GRID1: variants seen among roughly 807,000 people sequenced by gnomAD.
GRID1 encodes glutamate receptor ionotropic, delta-1.
A neutral mutation model predicts 98.0 loss-of-function variants in GRID1; 28 were observed. The ratio of observed to expected loss-of-function variants is 0.29; its 90% CI spans 0.21 to 0.39. GRID1 has a LOEUF of 0.39. Ranked by LOEUF, GRID1 falls within the 10% of genes least tolerant of loss-of-function variation. The pLI, the probability that GRID1 is intolerant of heterozygous loss-of-function variation, is 1.00. For missense variants in GRID1, 1,111 were observed against 1,340.5 expected (o/e 0.83, Z 2.67); for synonymous variants, 553 against 538.5 (o/e 1.03, Z -0.37).
At chr10:86,334,070 A>G (rs534205291) in intron 2 of GRID1, among the ~76,000 whole-genome samples, 5 of 149,506 alleles carry the variant, frequency 3.3e-5, no homozygotes, top group African/African-American at 1.3e-4. Flanking sequence ...CACCTCCTAC[A>G]TCACTCATGG....
chr10:85,816,278 T>C (rs950080255), intron 8 of GRID1, among the ~76,000 whole-genome samples: 1 of 152,190 alleles, frequency 6.6e-6, no homozygotes, highest in Non-Finnish European at 1.5e-5. Flanking sequence ...ATAATCAAGA[T>C]GTCCTTCAAG....
chr10:86,199,858 C>T lies in GRID1; in HGVS notation c.520+6506G>A, dbSNP rs115372253. Among the ~76,000 whole-genome samples the T allele has an allele frequency of 3.5e-3, 531 of 152,168 alleles. 6 individuals are homozygous for T. The highest frequency in any genetic ancestry group is 0.012 in the African/African-American group (516 of 41,548). On this transcript the variant is annotated intron_variant, in intron 3 of 15. Coordinates refer to ENST00000327946, the MANE Select transcript of GRID1 (RefSeq NM_017551.3). ...CAGGACGCAGTGAAAGGACCAGAGC[C>T]TTCTAGAGATGAAGGCTTTGCCTTT...
intron 2 of GRID1, among the ~76,000 whole-genome samples, chr10:86,233,302 G>A (rs1846484462): frequency 6.6e-6 from 1 of 152,082 alleles, no homozygotes; most frequent in Admixed American, 6.5e-5. Flanking sequence ...GAGATGGCTG[G>A]GAGCAAGGGG....
At chr10:86,254,609 TG>T (rs1846888985) in intron 2 of GRID1, among the ~76,000 whole-genome samples, 1 of 152,178 alleles carries the variant, frequency 6.6e-6, no homozygotes, top group South Asian at 2.1e-4. Context: ...CTGGAGTCAG[TG>T]TTCACACACT....
intron 13 of GRID1, among the ~76,000 whole-genome samples, chr10:85,643,741 C>T (rs562866127): frequency 6.6e-5 from 10 of 151,668 alleles, no homozygotes; most frequent in African/African-American, 2.2e-4. Flanking sequence ...TCTTAGAGAT[C>T]CAAATGCAAG....
intron 2 of GRID1, among the ~76,000 whole-genome samples, chr10:86,335,237 C>T (rs780262568): frequency 3.3e-5 from 5 of 152,230 alleles, no homozygotes; most frequent in Non-Finnish European, 7.3e-5. Context: ...GGGGGAAAGA[C>T]TCACAGTTAT....
intron 3 of GRID1, among the ~76,000 whole-genome samples, chr10:86,202,417 A>AC (rs1212512981): frequency 6.6e-6 from 1 of 152,054 alleles, no homozygotes; most frequent in Non-Finnish European, 1.5e-5. Flanking sequence ...AGCTACTAGC[A>AC]CCCCCCTCCC....
chr10:85,809,033 A>C (rs1258745147), intron 8 of GRID1, among the ~76,000 whole-genome samples: 1 of 152,178 alleles, frequency 6.6e-6, no homozygotes, highest in African/African-American at 2.4e-5. Context: ...AATTTGAACA[A>C]ATAATTTAAA....
chr10:86,121,873 C>T (rs1209207725), intron 4 of GRID1, among the ~76,000 whole-genome samples: 1 of 152,210 alleles, frequency 6.6e-6, no homozygotes, highest in African/African-American at 2.4e-5. Context: ...TAACACCAAA[C>T]AAACAACTCC....
intron 2 of GRID1, among the ~76,000 whole-genome samples, chr10:86,211,490 G>A (rs905916443): frequency 6.6e-6 from 1 of 152,210 alleles, no homozygotes; most frequent in South Asian, 2.1e-4. Flanking sequence ...GGCATTGGGG[G>A]TGTGGGGGGT....
At chr10:86,077,556 T>C (rs1478762727) in intron 4 of GRID1, among the ~76,000 whole-genome samples, 1 of 152,212 alleles carries the variant, frequency 6.6e-6, no homozygotes, top group Admixed American at 6.5e-5. Flanking sequence ...GACGCAATCA[T>C]GCTATCTGCT....
chr10:86,168,139 G>A (rs978313311), intron 3 of GRID1, among the ~76,000 whole-genome samples: 1 of 152,234 alleles, frequency 6.6e-6, no homozygotes, highest in Non-Finnish European at 1.5e-5. Context: ...AGGTGAGCCT[G>A]CATGAGTGGA....
At chr10:86,156,129 T>C (rs1335388650) in intron 3 of GRID1, among the ~76,000 whole-genome samples, 2 of 152,218 alleles carry the variant, frequency 1.3e-5, no homozygotes, top group Admixed American at 6.5e-5. Context: ...AAAGAATGCC[T>C]GGCCTCTAGC....
chr10:85,703,805 T>C (rs1042569114), intron 12 of GRID1, among the ~76,000 whole-genome samples: 14 of 152,080 alleles, frequency 9.2e-5, no homozygotes, highest in Non-Finnish European at 1.8e-4. Flanking sequence ...TAACTATCGA[T>C]AGTTAAAAAT....
chr10:85,961,835 T>C (rs1842271677), intron 4 of GRID1, among the ~76,000 whole-genome samples: 1 of 151,598 alleles, frequency 6.6e-6, no homozygotes, highest in Non-Finnish European at 1.5e-5. Context: ...CTTTCCTGCC[T>C]TCCTTCCTAA....
At chr10:85,939,751 T>C (rs750639237) in intron 4 of GRID1, among the ~76,000 whole-genome samples, 14 of 152,188 alleles carry the variant, frequency 9.2e-5, no homozygotes, top group East Asian at 1.9e-4. Flanking sequence ...TAACATAACA[T>C]ATTCATTGGT....
chr10:85,943,337 A>G (rs1283358406), intron 4 of GRID1, among the ~76,000 whole-genome samples: 1 of 152,210 alleles, frequency 6.6e-6, no homozygotes, highest in Non-Finnish European at 1.5e-5. Flanking sequence ...TATTTTTTAA[A>G]ACTATATGCC....
intron 2 of GRID1, among the ~76,000 whole-genome samples, chr10:86,217,482 C>T (rs1846191639): frequency 6.6e-6 from 1 of 152,190 alleles, no homozygotes; most frequent in Non-Finnish European, 1.5e-5. Flanking sequence ...AGAGACTCGG[C>T]CAAGTAGAGA....
chr10:86,322,938 A>G (rs1390763995), intron 2 of GRID1, among the ~76,000 whole-genome samples: 1 of 131,620 alleles, frequency 7.6e-6, no homozygotes, highest in Non-Finnish European at 1.6e-5. Context: ...CTAAAAATAC[A>G]AAAAAAAAAA....
Sources: gnomAD v4.1 joint callset for allele counts (sites outside exome capture counted in the v4.1 genomes callset) on GRCh38, gnomAD v4.1.1 for gene constraint, MANE v1.5 for transcripts, NCBI Gene and HGNC (gene_info 2026-07-23, HGNC 2026-07-21) for gene names.